Variants in HAS2 observed in about 807,000 individuals in gnomAD.
HAS2 encodes HA synthase 2.
A neutral mutation model predicts 51.6 loss-of-function variants in HAS2; 16 were observed. That is an observed-to-expected ratio of 0.31 (90% CI 0.21 to 0.47). The LOEUF (loss-of-function observed/expected upper bound fraction) is 0.47. Among genes scored for constraint, HAS2 ranks in the 20% least tolerant of loss-of-function variants. The probability of loss-of-function intolerance (pLI) is 1.00; values close to 1 mark genes in which losing one functional copy is unlikely to be tolerated. For synonymous variants in HAS2, 228 were observed against 235.5 expected (o/e 0.97, Z 0.29); for missense variants, 361 against 662.6 (o/e 0.54, Z 5.00).
At position 121,614,789 on chromosome 8, in the gene HAS2, C is replaced by T; in HGVS notation, c.979G>A (p.Ala327Thr). ...LTNRVLSLGYATKYTARSKCL... is the reference protein window; with the variant it reads ...LTNRVLSLGYTTKYTARSKCL... Reference sequence around the variant, plus strand: ...TTAGATCGAGCTGTGTATTTTGTTGCATAGCCCAGGCTCAGCACCCGGTTC... The same window carrying T: ...TTAGATCGAGCTGTGTATTTTGTTGTATAGCCCAGGCTCAGCACCCGGTTC... The change falls in exon 4 of 4, where the codon GCA (alanine) becomes ACA (threonine). Residue 327 changes from alanine to threonine, a missense_variant. Ala to Thr is a moderately conservative substitution (Grantham distance 58, BLOSUM62 0). Transcript: ENST00000303924. The surrounding 1 kb of genome is among the most constrained non-coding windows in gnomAD (Gnocchi z 7.2). 1 of 1,614,206 alleles carries T rather than the reference C, an allele frequency of 6.2e-7. No individual in the cohort carries two copies. Among genetic ancestry groups the T allele is most frequent in the Non-Finnish European group, 8.5e-7 (1 of 1,180,026 alleles).
chr8:121,637,917 C>T (rs1400678873), intron 1 of HAS2, among the ~76,000 whole-genome samples: 1 of 152,148 alleles, frequency 6.6e-6, no homozygotes. Flanking sequence ...TATGCTCTGT[C>T]CTCTCATTAC....
chr8:121,622,820 G>T (rs1352770552), intron 2 of HAS2, among the ~76,000 whole-genome samples: 1 of 151,652 alleles, frequency 6.6e-6, no homozygotes, highest in Non-Finnish European at 1.5e-5. Flanking sequence ...AATTCTAGAT[G>T]AATAGAATTT....
intron 2 of HAS2, among the ~76,000 whole-genome samples, chr8:121,625,097 C>CAAAAAA (rs537345385): frequency 5.2e-5 from 3 of 57,922 alleles, no homozygotes; most frequent in South Asian, 7.9e-4. Context: ...GACTCCGTCT[C>CAAAAAA]AAAAAAAAAA....
At chr8:121,628,617 A>G in intron 2 of HAS2, 97 bp downstream of exon 2, 3 of 1,078,446 alleles carry the variant, frequency 2.8e-6, no homozygotes, top group Non-Finnish European at 4.1e-6. Context: ...TACTGTGTTC[A>G]GAAGGGACAA....
intron 2 of HAS2, 38 bp from the exon 3 acceptor site, chr8:121,617,244 G>A: frequency 7.9e-7 from 1 of 1,260,380 alleles, no homozygotes; most frequent in South Asian, 1.2e-5. Flanking sequence ...TAAAGAAAAG[G>A]AAGAACTATA....
chr8:121,623,456 C>T (rs1257866817), intron 2 of HAS2, among the ~76,000 whole-genome samples: 2 of 152,116 alleles, frequency 1.3e-5, no homozygotes, highest in East Asian at 1.9e-4. Context: ...TAATGGTGCC[C>T]TTAAATCAAG....
chr8:121,615,973 T>G (rs1051093310), intron 3 of HAS2, among the ~76,000 whole-genome samples: 2 of 152,208 alleles, frequency 1.3e-5, no homozygotes, highest in African/African-American at 4.8e-5. Context: ...ACCAGGCTAT[T>G]TCTTTGTCCC....
rs986076415 is a variant in HAS2 at position 121,641,260 on chromosome 8, T to A, written c.-408A>T. 8.6e-6 allele frequency: 1 copy of A among 116,676 alleles called. No individual in the cohort carries two copies. The highest frequency in any genetic ancestry group is 1.6e-5 in the Non-Finnish European group (1 of 60,712). The allele number at this position is 116,676 out of a possible 1,614,324, so 7.2% of individuals were successfully genotyped here. On this transcript the variant is annotated 5_prime_UTR_variant, in exon 1 of 4. Transcript: ENST00000303924. ...AAAAAAAAAAAAAAAAAAAAGCCTG[T>A]GGAAGACTCAGCAGAACCCAGGAAG...
chr8:121,613,957 A>C lies in HAS2; in HGVS notation c.*152T>G. On this transcript the variant is annotated 3_prime_UTR_variant, in exon 4 of 4. Transcript: ENST00000303924. ...TGTTGATGTATTGTTTTACTTTGGC[A>C]GAATGAAAATAAACCCATATAAATG... 9.2e-7 allele frequency: 1 copy of C among 1,091,938 alleles called. No homozygotes were observed. Among genetic ancestry groups the C allele is most frequent in the South Asian group, 1.4e-5 (1 of 70,322 alleles). 67.6% of individuals were successfully genotyped at this position (1,091,938 alleles called of 1,614,324 possible). A position where few individuals can be genotyped will look rare whatever the true frequency, so the allele number is the denominator to read the frequency against.
At chr8:121,615,397 C>T (rs1210143713) in intron 3 of HAS2, among the ~76,000 whole-genome samples, 1 of 152,090 alleles carries the variant, frequency 6.6e-6, no homozygotes, top group Non-Finnish European at 1.5e-5. Flanking sequence ...AGTGCAGTGG[C>T]GCGATTTGGG....
At chr8:121,636,405 T>G (rs1272233340) in intron 1 of HAS2, among the ~76,000 whole-genome samples, 6 of 152,032 alleles carry the variant, frequency 3.9e-5, no homozygotes, top group Non-Finnish European at 8.8e-5. Context: ...CTTCTCCCCT[T>G]CTGACCTTCT....
chr8:121,617,507 G>A (rs772529648), intron 2 of HAS2, among the ~76,000 whole-genome samples: 3 of 151,946 alleles, frequency 2.0e-5, no homozygotes, highest in Non-Finnish European at 4.4e-5. Flanking sequence ...TCCCAATTTT[G>A]TCAATGAAAG....
intron 3 of HAS2, among the ~76,000 whole-genome samples, chr8:121,616,470 C>T (rs147854821): frequency 6.7e-6 from 1 of 150,328 alleles, no homozygotes; most frequent in African/African-American, 2.4e-5. Flanking sequence ...TGGGTCTTAC[C>T]CTATCACCCA....
At chr8:121,633,803 G>A (rs906063818) in intron 1 of HAS2, among the ~76,000 whole-genome samples, 1 of 152,114 alleles carries the variant, frequency 6.6e-6, no homozygotes, top group African/African-American at 2.4e-5. Flanking sequence ...TTTGTATTAA[G>A]CAGAGAGTGA....
In HAS2 at chr8:121,628,724, T is replaced by A; in HGVS notation, c.617A>T (p.Asp206Val). The change falls in exon 2 of 4, where the codon GAT (aspartate) becomes GTT (valine). Residue 206 changes from aspartate (D) to valine (V), a missense_variant. Around this residue, in one of 5 missense-constraint regions of HAS2, gnomAD observed 49 missense variants for 108.3 expected, o/e 0.45. Transcript: ENST00000303924. Reference sequence around the variant, plus strand: ...AATGTGGAGACCTACCTGTACATAATCCACACTTCGTCCCAGTGCTCTGAA... The same window carrying A: ...AATGTGGAGACCTACCTGTACATAAACCACACTTCGTCCCAGTGCTCTGAA... ...TAFRALGRSV[D>V]YVQVCDSDTM... 6.2e-7 allele frequency: 1 copy of A among 1,613,682 alleles called. No individual in the cohort carries two copies. Among genetic ancestry groups the A allele is most frequent in the Non-Finnish European group, 8.5e-7 (1 of 1,179,710 alleles).
At chr8:121,619,146 C>CG (rs1347238280) in intron 2 of HAS2, among the ~76,000 whole-genome samples, 2 of 151,164 alleles carry the variant, frequency 1.3e-5, no homozygotes, top group African/African-American at 4.9e-5. Context: ...GAAGCTAAGG[C>CG]GGGGGGATTG....
intron 1 of HAS2, among the ~76,000 whole-genome samples, chr8:121,632,277 G>T (rs1019031121): frequency 1.7e-4 from 26 of 152,054 alleles, no homozygotes; most frequent in African/African-American, 6.0e-4. Flanking sequence ...GCATTGATAT[G>T]GGCACCATGT....
intron 2 of HAS2, among the ~76,000 whole-genome samples, chr8:121,623,560 C>A (rs1812803746): frequency 6.6e-6 from 1 of 152,132 alleles, no homozygotes; most frequent in Admixed American, 6.5e-5. Context: ...TTCTGATATC[C>A]CTTTTTCTTT....
chr8:121,628,611 G>C (rs1344212790), intron 2 of HAS2, 103 bp downstream of exon 2: 2 of 999,218 alleles, frequency 2.0e-6, no homozygotes, highest in African/African-American at 1.6e-5. Flanking sequence ...AAGAAGTACT[G>C]TGTTCAGAAG....
Sources: allele counts gnomAD v4.1 joint callset (sites outside exome capture counted in the v4.1 genomes callset), GRCh38; gene constraint gnomAD v4.1.1; regional missense constraint gnomAD v4.1.1; non-coding constraint Gnocchi (gnomAD v3.1); transcripts MANE v1.5; gene names NCBI Gene and HGNC (gene_info 2026-07-23, HGNC 2026-07-21).